Variants in DENND2A observed in about 807,000 individuals in gnomAD.
DENND2A encodes DENN domain-containing protein 2A.
In DENND2A, 53 loss-of-function variants were observed where a neutral mutation model predicts 105.3. That is an observed-to-expected ratio of 0.50 (90% CI 0.40 to 0.63). DENND2A has a LOEUF of 0.63. Ranked by LOEUF, DENND2A falls within the 30% of genes least tolerant of loss-of-function variation. DENND2A has a pLI of 0.00. For synonymous variants in DENND2A, 522 were observed against 508.4 expected (o/e 1.03, Z -0.36); for missense variants, 1,138 against 1,279.6 (o/e 0.89, Z 1.69).
chr7:140,565,874 C>G (rs529374923), intron 9 of DENND2A, among the ~76,000 whole-genome samples: 1 of 152,284 alleles, frequency 6.6e-6, no homozygotes, highest in East Asian at 1.9e-4. Flanking sequence ...AGAGTGACCT[C>G]TGGTAGTCCT....
chr7:140,522,210 T>C (rs1370829916), intron 17 of DENND2A, 110 bp from the exon 18 acceptor site: 30 of 1,385,982 alleles, frequency 2.2e-5, no homozygotes, highest in African/African-American at 4.3e-5. Flanking sequence ...GTTCCCTTGA[T>C]GGAAACTGCG....
intron 14 of DENND2A, among the ~76,000 whole-genome samples, chr7:140,537,815 C>G (rs1796501942): frequency 6.6e-6 from 1 of 152,128 alleles, no homozygotes; most frequent in Non-Finnish European, 1.5e-5. Context: ...CCCTCTAAAA[C>G]TTTTTGCACA....
chr7:140,588,762 G>A lies in DENND2A; in HGVS notation c.996-982C>T, dbSNP rs564062982. ...ATTACTATTCTTATCCACTTTTTTT[G>A]GCACTTTTTTTTTTTTTTTTTGAGA... On this transcript the variant is annotated intron_variant, in intron 3 of 19. Transcript: ENST00000496613. 1.0e-3 allele frequency among the ~76,000 whole-genome samples: 141 copies of A among 140,236 alleles called. 5 individuals carry two copies. Among genetic ancestry groups the A allele is most frequent in the African/African-American group, 3.6e-3 (127 of 35,698 alleles). The allele number at this position is 140,236 out of a possible 152,430, so 92.0% of individuals were successfully genotyped here.
At chr7:140,564,057 CG>C in intron 9 of DENND2A, among the ~76,000 whole-genome samples, 1 of 152,070 alleles carries the variant, frequency 6.6e-6, no homozygotes. Flanking sequence ...CTGAAGTGGG[CG>C]GATCATTTGA....
chr7:140,633,962 A>T (rs1200014437), intron 1 of DENND2A, among the ~76,000 whole-genome samples: 34 of 151,758 alleles, frequency 2.2e-4, no homozygotes, highest in Non-Finnish European at 1.5e-5. Flanking sequence ...TCTAAGATAA[A>T]TTCCTAAAAA....
chr7:140,518,703 A>G lies in DENND2A; in HGVS notation c.*4T>C. 1 of 1,613,556 alleles carries G rather than the reference A, an allele frequency of 6.2e-7. No individual in the cohort carries two copies. The highest frequency in any genetic ancestry group is 8.5e-7 in the Non-Finnish European group (1 of 1,179,454). On this transcript the variant is annotated 3_prime_UTR_variant, in exon 20 of 20. Coordinates refer to ENST00000496613, the MANE Select transcript of DENND2A (RefSeq NM_015689.5). ...AGGAGGAAGTTTTCCCTTGAGGCTG[A>G]GAGTTATTTCTTGTGGAGAAATTTC...
intron 6 of DENND2A, 96 bp downstream of exon 6, chr7:140,573,712 G>C (rs1019609466): frequency 7.3e-7 from 1 of 1,362,656 alleles, no homozygotes; most frequent in African/African-American, 1.5e-5. Flanking sequence ...TGGGAGAGGG[G>C]CCAGTGATGT....
chr7:140,559,818 C>T lies in DENND2A; in HGVS notation c.1780-1G>A, dbSNP rs1186344006. 1.2e-6 allele frequency: 2 copies of T among 1,609,860 alleles called. No individual in the cohort carries two copies. The highest frequency in any genetic ancestry group is 1.7e-6 in the Non-Finnish European group (2 of 1,176,112). On this transcript the variant is annotated splice_acceptor_variant, in intron 9 of 19. Coordinates refer to ENST00000496613, the MANE Select transcript of DENND2A (RefSeq NM_015689.5). LOFTEE classifies it high-confidence loss of function. The surrounding 1 kb of genome is among the most constrained non-coding windows in gnomAD (Gnocchi z 4.1). ...TCATGAACTTGAAAGACCTTTCCAACTGCAGGGAGAAAGGTGAGAGAAAAT... is the reference window on the plus strand; with the variant it reads ...TCATGAACTTGAAAGACCTTTCCAATTGCAGGGAGAAAGGTGAGAGAAAAT...
intron 5 of DENND2A, among the ~76,000 whole-genome samples, chr7:140,585,007 T>G (rs573384454): frequency 6.6e-6 from 1 of 152,190 alleles, no homozygotes; most frequent in East Asian, 1.9e-4. Flanking sequence ...AAGATTAGCA[T>G]GGCCAACATG....
In DENND2A at chr7:140,601,834, T is replaced by C. The variant is rs1294598847; in HGVS notation, c.564A>G (p.Pro188=). The part of the protein sequence containing the change: ...DPQLPGTCYS[P]HCPPDKAEAG... ...CCTCTGCCTTGTCAGGAGGGCAGTG[T>C]GGGGAGTAACAAGTCCCTGGTAACT... The change falls in exon 3 of 20, where the codon CCA becomes CCG. Residue 188 remains proline, a synonymous_variant. Coordinates refer to ENST00000496613, the MANE Select transcript of DENND2A (RefSeq NM_015689.5). 6.2e-7 allele frequency: 1 copy of C among 1,614,142 alleles called. No homozygotes were observed. The highest frequency in any genetic ancestry group is 1.1e-5 in the South Asian group (1 of 91,084).
chr7:140,525,844 G>A, intron 15 of DENND2A, 52 bp from the exon 16 acceptor site: 1 of 1,496,588 alleles, frequency 6.7e-7, no homozygotes, highest in Non-Finnish European at 9.1e-7. Context: ...TTCTGGGATA[G>A]GGATGGACTC....
At chr7:140,627,531 A>T (rs981729493) in intron 1 of DENND2A, among the ~76,000 whole-genome samples, 7 of 148,290 alleles carry the variant, frequency 4.7e-5, no homozygotes, top group African/African-American at 5.0e-5. Flanking sequence ...TTATTTATTT[A>T]TTTTTTTTTG....
intron 7 of DENND2A, 26 bp from the exon 8 acceptor site, chr7:140,568,839 A>T: frequency 6.2e-7 from 1 of 1,612,960 alleles, no homozygotes; most frequent in Non-Finnish European, 8.5e-7. Context: ...AAGGAAGAAA[A>T]TTGCAAATGT....
At chr7:140,601,239 T>G (rs1342974160) in intron 3 of DENND2A, among the ~76,000 whole-genome samples, 164 bp downstream of exon 3, 1 of 152,234 alleles carries the variant, frequency 6.6e-6, no homozygotes, top group Non-Finnish European at 1.5e-5. Context: ...TTACCAAGTT[T>G]CCAGGTTAAT....
intron 14 of DENND2A, among the ~76,000 whole-genome samples, chr7:140,542,229 G>C (rs757928655): frequency 1.3e-5 from 2 of 152,158 alleles, no homozygotes; most frequent in Non-Finnish European, 2.9e-5. Flanking sequence ...TTTCAAAAAT[G>C]AGCTTCTTTT....
At chr7:140,625,303 G>C (rs1429901574) in intron 1 of DENND2A, among the ~76,000 whole-genome samples, 2 of 151,362 alleles carry the variant, frequency 1.3e-5, no homozygotes, top group African/African-American at 4.9e-5. Context: ...CTTGAGCCCG[G>C]GACACAGAGG....
rs1182028838 is a variant in DENND2A, at chr7:140,585,584, C to G, written c.1245+5G>C. 3 of 1,614,090 alleles carry G rather than the reference C, an allele frequency of 1.9e-6. No individual in the cohort carries two copies. In the Admixed American group the frequency reaches 5.0e-5, roughly 27 times the overall value. ...CTCCTGCCACCATTCCCAGGGGACT[C>G]ATACCTTGGTGAGTGTGTCAGGGAT... On this transcript the variant is annotated splice_donor_5th_base_variant and intron_variant, in intron 5 of 19. Transcript: ENST00000496613.
At chr7:140,540,624 G>C (rs1257676023) in intron 14 of DENND2A, among the ~76,000 whole-genome samples, 1 of 152,194 alleles carries the variant, frequency 6.6e-6, no homozygotes, top group African/African-American at 2.4e-5. Context: ...CTGGCCCAGC[G>C]TCCAACCTGT....
intron 3 of DENND2A, among the ~76,000 whole-genome samples, chr7:140,592,800 A>C (rs1799116959): frequency 6.7e-6 from 1 of 150,100 alleles, no homozygotes; most frequent in Non-Finnish European, 1.5e-5. Flanking sequence ...GGGGGGTTTC[A>C]CCATGTTGGC....
Sources: gnomAD v4.1 joint callset for allele counts (sites outside exome capture counted in the v4.1 genomes callset) on GRCh38, gnomAD v4.1.1 for gene constraint, Gnocchi (gnomAD v3.1) non-coding constraint, MANE v1.5 for transcripts, NCBI Gene and HGNC (gene_info 2026-07-23, HGNC 2026-07-21) for gene names.